Variants in HPSE2 observed in about 807,000 individuals in gnomAD.
HPSE2 encodes inactive heparanase-2.
Under a neutral mutation model 60.5 loss-of-function variants are expected in HPSE2, and 38 were observed. That is an observed-to-expected ratio of 0.63 (90% CI 0.48 to 0.82). The LOEUF is 0.82. Ranked by LOEUF, HPSE2 falls within the 40% of genes least tolerant of loss-of-function variation. HPSE2 has a pLI of 0.00. For synonymous variants in HPSE2, 295 were observed against 293.2 expected (o/e 1.01, Z -0.06); for missense variants, 713 against 740.4 (o/e 0.96, Z 0.43).
intron 4 of HPSE2, among the ~76,000 whole-genome samples, chr10:98,734,874 T>A (rs1047795377): frequency 1.5e-5 from 2 of 135,860 alleles, no homozygotes; most frequent in East Asian, 4.2e-4. Flanking sequence ...AGAGTACCCA[T>A]ATAATTTGTC....
chr10:98,600,885 A>G (rs1456031054), intron 9 of HPSE2, among the ~76,000 whole-genome samples: 1 of 106,224 alleles, frequency 9.4e-6, no homozygotes, highest in East Asian at 3.0e-4. Flanking sequence ...GTATATATAC[A>G]TATATACGTA....
intron 3 of HPSE2, among the ~76,000 whole-genome samples, chr10:98,850,459 G>A (rs745658713): frequency 5.9e-5 from 9 of 152,030 alleles, no homozygotes; most frequent in Admixed American, 2.0e-4. Context: ...ATTTTGGGCC[G>A]GGCACGGTGG....
chr10:98,747,013 C>A (rs1467981238), intron 3 of HPSE2, among the ~76,000 whole-genome samples: 1 of 151,904 alleles, frequency 6.6e-6, no homozygotes, highest in Non-Finnish European at 1.5e-5. Flanking sequence ...ATACTATGAG[C>A]TTTAGATATA....
At chr10:98,708,178 C>T (rs957137269) in intron 5 of HPSE2, among the ~76,000 whole-genome samples, 6 of 152,092 alleles carry the variant, frequency 3.9e-5, no homozygotes, top group East Asian at 1.9e-4. Context: ...AATTTCAGGC[C>T]GGGCACGGTG....
chr10:99,071,020 G>C (rs1267360803), intron 3 of HPSE2, among the ~76,000 whole-genome samples: 1 of 151,084 alleles, frequency 6.6e-6, no homozygotes, highest in African/African-American at 2.4e-5. Flanking sequence ...TTTTGTATAG[G>C]TATGCAGAAG....
At chr10:99,120,389 C>G (rs1006689350) in intron 3 of HPSE2, among the ~76,000 whole-genome samples, 1 of 152,100 alleles carries the variant, frequency 6.6e-6, no homozygotes, top group East Asian at 1.9e-4. Context: ...AATAAGATAC[C>G]ATTTCAAAGA....
At chr10:98,634,538 CTCTTT>C (rs112693470) in intron 7 of HPSE2, among the ~76,000 whole-genome samples, 13,172 of 151,434 alleles carry the variant, frequency 0.087, 1,340 homozygotes, top group African/African-American at 0.24. Flanking sequence ...GTTTGTTTTG[CTCTTT>C]TCTTCTTATT....
chr10:98,561,463 T>C (rs1006188979), intron 9 of HPSE2, among the ~76,000 whole-genome samples: 12 of 152,192 alleles, frequency 7.9e-5, no homozygotes, highest in African/African-American at 2.9e-4. Flanking sequence ...AGGCTAAATA[T>C]TATTATACAA....
chr10:99,305,972 C>CAA, the HPSE2 span, among the ~76,000 whole-genome samples: 1 of 126,024 alleles, frequency 7.9e-6, no homozygotes, highest in Non-Finnish European at 1.6e-5. Flanking sequence ...CGCGCGCGCG[C>CAA]GCGCGCGCAC....
At chr10:98,541,988 G>A (rs1342573991) in intron 9 of HPSE2, among the ~76,000 whole-genome samples, 3 of 140,096 alleles carry the variant, frequency 2.1e-5, no homozygotes, top group Non-Finnish European at 4.7e-5. Flanking sequence ...GCACGCAGCT[G>A]GAGATCTGAG....
At chr10:98,991,649 A>G (rs538518874) in intron 3 of HPSE2, among the ~76,000 whole-genome samples, 56 of 152,310 alleles carry the variant, frequency 3.7e-4, no homozygotes, top group African/African-American at 1.2e-3. Flanking sequence ...TAGGTTTAAA[A>G]GGATCCATGT....
intron 1 of HPSE2, among the ~76,000 whole-genome samples, chr10:99,234,161 A>G (rs1393666162): frequency 6.6e-6 from 1 of 152,184 alleles, no homozygotes; most frequent in Non-Finnish European, 1.5e-5. Flanking sequence ...GGCCGCGCGG[A>G]GCTGGCTGTT....
intron 8 of HPSE2, among the ~76,000 whole-genome samples, chr10:98,619,059 C>T (rs902661102): frequency 1.3e-5 from 2 of 152,158 alleles, no homozygotes; most frequent in Non-Finnish European, 2.9e-5. Flanking sequence ...TCTTCATCTG[C>T]GTTTGCCAGA....
intron 9 of HPSE2, among the ~76,000 whole-genome samples, chr10:98,547,098 C>T (rs981654179): frequency 3.1e-5 from 4 of 129,942 alleles, no homozygotes; most frequent in Admixed American, 1.6e-4. Context: ...ATCAAAACCA[C>T]AATGAGATAC....
chr10:99,096,519 T>C (rs1391995938), intron 3 of HPSE2, among the ~76,000 whole-genome samples: 1 of 152,190 alleles, frequency 6.6e-6, no homozygotes, highest in Non-Finnish European at 1.5e-5. Flanking sequence ...GTAGTTCCCC[T>C]CTACTTTATT....
intron 3 of HPSE2, among the ~76,000 whole-genome samples, chr10:99,007,701 C>T (rs1203721322): frequency 2.0e-5 from 3 of 152,126 alleles, no homozygotes; most frequent in African/African-American, 7.2e-5. Context: ...AGTCTAATTG[C>T]CATATTTACT....
intron 9 of HPSE2, among the ~76,000 whole-genome samples, chr10:98,544,637 C>T (rs549665325): frequency 0.088 from 12,348 of 140,938 alleles, 773 homozygotes; most frequent in Admixed American, 0.2. Context: ...GGCGTGAACC[C>T]AGGAGGCGGA....
At chr10:99,200,193 A>T (rs1848529590) in intron 2 of HPSE2, among the ~76,000 whole-genome samples, 1 of 151,620 alleles carries the variant, frequency 6.6e-6, no homozygotes. Flanking sequence ...TGTTTTTTTT[A>T]CCACAATTAA....
intron 2 of HPSE2, among the ~76,000 whole-genome samples, chr10:99,192,212 A>G (rs1034922111): frequency 6.6e-6 from 1 of 152,214 alleles, no homozygotes; most frequent in Non-Finnish European, 1.5e-5. Flanking sequence ...AAAACATCCC[A>G]AACCTAGAAA....
Sources: allele counts gnomAD v4.1 joint callset (sites outside exome capture counted in the v4.1 genomes callset), GRCh38; gene constraint gnomAD v4.1.1; transcripts MANE v1.5; gene names NCBI Gene and HGNC (gene_info 2026-07-23, HGNC 2026-07-21).